MAN1A2: variants seen among roughly 807,000 people sequenced by gnomAD.
MAN1A2 encodes the protein mannosidase alpha class 1A member 2.
MAN1A2 carries 26 observed loss-of-function variants against 75.7 expected under a neutral mutation model. The ratio of observed to expected loss-of-function variants is 0.34; its 90% CI spans 0.25 to 0.48. The LOEUF is 0.48. MAN1A2 is among the 20% of genes least tolerant of loss of function. The probability of loss-of-function intolerance (pLI) is 0.99; values close to 1 mark genes in which losing one functional copy is unlikely to be tolerated. For missense variants in MAN1A2, 562 were observed against 775.5 expected (o/e 0.72, Z 3.27); for synonymous variants, 247 against 264.6 (o/e 0.93, Z 0.65).
At chr1:117,458,523 A>ATATATTTTTTTTTT (rs1553236643) in intron 6 of MAN1A2, among the ~76,000 whole-genome samples, 1 of 105,608 alleles carries the variant, frequency 9.5e-6, no homozygotes, top group Non-Finnish European at 2.0e-5. Context: ...ATATATATAT[A>ATATATTTTTTTTTT]TTTTTTTTTT....
rs1648808514 is a variant in MAN1A2 at position 117,435,131 on chromosome 1, G to A, written c.856-7100G>A. The stretch of plus-strand genomic sequence containing the variant: ...TTTAAGCGAAAATAAGTAGTAGAGA[G>A]ATGTAATGGGTCTGGTGTTCAATGG... On this transcript the variant is annotated intron_variant, in intron 5 of 12. Coordinates refer to ENST00000356554, the MANE Select transcript of MAN1A2 (RefSeq NM_006699.5). 2.0e-5 allele frequency among the ~76,000 whole-genome samples: 3 copies of A among 152,076 alleles called. No homozygotes were observed. The South Asian group carries it at 6.2e-4, about 32-fold the overall frequency.
At chr1:117,389,612 C>T (rs925922871) in intron 1 of MAN1A2, among the ~76,000 whole-genome samples, 3 of 152,042 alleles carry the variant, frequency 2.0e-5, no homozygotes, top group Admixed American at 2.0e-4. Flanking sequence ...TTATTTAGAA[C>T]CTGTATACTG....
At chr1:117,472,004 A>G (rs1258369775) in intron 8 of MAN1A2, among the ~76,000 whole-genome samples, 1 of 151,970 alleles carries the variant, frequency 6.6e-6, no homozygotes, top group Non-Finnish European at 1.5e-5. Flanking sequence ...AGGACATACT[A>G]GAAAGCTAAT....
intron 12 of MAN1A2, among the ~76,000 whole-genome samples, chr1:117,514,288 G>T (rs1370638077): frequency 6.6e-6 from 1 of 151,584 alleles, no homozygotes; most frequent in African/African-American, 2.4e-5. Context: ...ACTTGAACCC[G>T]GGAGGCAGAG....
At chr1:117,462,219 A>G (rs1354125805) in intron 7 of MAN1A2, among the ~76,000 whole-genome samples, 1 of 152,164 alleles carries the variant, frequency 6.6e-6, no homozygotes, top group Non-Finnish European at 1.5e-5. Context: ...TAGTAAAAAT[A>G]CCCTGTAACC....
At position 117,526,574 on chromosome 1, in the gene MAN1A2, T is replaced by G. The variant is rs1486606935; in HGVS notation, c.*3617T>G. The G allele has an allele frequency of 1.3e-5, 2 of 151,488 alleles. No individual in the cohort carries two copies. The highest frequency in any genetic ancestry group is 3.0e-5 in the Non-Finnish European group (2 of 67,668). The allele number at this position is 151,488 out of a possible 1,614,324, so 9.4% of individuals were successfully genotyped here. A position where few individuals can be genotyped will look rare whatever the true frequency, so the allele number is the denominator to read the frequency against. ...AACGTTCTTATTTTGCTATATCACT[T>G]TAATTGCATAATTAAAAAGCAGTGT... On this transcript the variant is annotated 3_prime_UTR_variant, in exon 13 of 13. Coordinates refer to ENST00000356554, the MANE Select transcript of MAN1A2 (RefSeq NM_006699.5).
At chr1:117,403,517 A>G (rs750126958) in intron 2 of MAN1A2, among the ~76,000 whole-genome samples, 13 of 152,198 alleles carry the variant, frequency 8.5e-5, no homozygotes, top group Non-Finnish European at 1.3e-4. Flanking sequence ...TCAGATAGAT[A>G]ACCATGTGTG....
At chr1:117,464,294 G>A (rs187298400) in intron 7 of MAN1A2, among the ~76,000 whole-genome samples, 62 of 149,264 alleles carry the variant, frequency 4.2e-4, no homozygotes, top group Non-Finnish European at 4.6e-4. Flanking sequence ...GGGAAGCAGA[G>A]GTTGCAATGA....
intron 6 of MAN1A2, among the ~76,000 whole-genome samples, chr1:117,447,408 A>G (rs1273946876): frequency 6.6e-6 from 1 of 152,084 alleles, no homozygotes; most frequent in Non-Finnish European, 1.5e-5. Flanking sequence ...AAATATTGGA[A>G]GAAGTATCCT....
At chr1:117,425,866 A>G (rs1048338767) in intron 5 of MAN1A2, among the ~76,000 whole-genome samples, 2 of 152,224 alleles carry the variant, frequency 1.3e-5, no homozygotes, top group African/African-American at 4.8e-5. Context: ...TATTAAAAAT[A>G]AAAGAAATGC....
chr1:117,410,859 A>T (rs1391311750), intron 3 of MAN1A2, among the ~76,000 whole-genome samples: 2 of 151,962 alleles, frequency 1.3e-5, no homozygotes, highest in East Asian at 3.9e-4. Context: ...CATTTGCAGT[A>T]GTATCAAAAA....
chr1:117,445,382 TTTTG>T (rs1317550375), intron 6 of MAN1A2, among the ~76,000 whole-genome samples: 2 of 152,288 alleles, frequency 1.3e-5, no homozygotes, highest in Non-Finnish European at 1.5e-5. Flanking sequence ...TTATTAAAAT[TTTTG>T]TTTGCAGAAA....
rs144868799 is a variant in MAN1A2 at position 117,453,034 on chromosome 1, G to A, written c.951-7455G>A. On this transcript the variant is annotated intron_variant, in intron 6 of 12. Transcript: ENST00000356554. ...CTACTCCCTGTGTGGTCTGTAAGTG[G>A]AACAACAAAGTTCAGATGAGAGCAC... is the stretch of plus-strand genomic sequence containing the variant. Among the ~76,000 whole-genome samples, 692 of 152,248 alleles carry A rather than the reference G, an allele frequency of 4.5e-3. 7 individuals are homozygous for A. The highest frequency in any genetic ancestry group is 0.016 in the African/African-American group (667 of 41,546).
intron 6 of MAN1A2, among the ~76,000 whole-genome samples, chr1:117,456,572 T>A (rs567288355): frequency 6.6e-6 from 1 of 152,158 alleles, no homozygotes; most frequent in South Asian, 2.1e-4. Context: ...GCACTTTCAA[T>A]TGACTCTTGT....
chr1:117,464,612 G>C (rs2101840181), intron 7 of MAN1A2, among the ~76,000 whole-genome samples: 1 of 152,170 alleles, frequency 6.6e-6, no homozygotes, highest in Middle Eastern at 3.4e-3. Flanking sequence ...AATGAGAACA[G>C]GATCACAGGC....
intron 1 of MAN1A2, among the ~76,000 whole-genome samples, chr1:117,401,891 G>A (rs1647441543): frequency 6.6e-6 from 1 of 151,464 alleles, no homozygotes; most frequent in African/African-American, 2.4e-5. Flanking sequence ...CCTCCATTTA[G>A]TTTTCACTGG....
At chr1:117,511,074 T>C (rs1274526260) in intron 12 of MAN1A2, among the ~76,000 whole-genome samples, 1 of 151,954 alleles carries the variant, frequency 6.6e-6, no homozygotes, top group Non-Finnish European at 1.5e-5. Flanking sequence ...GAAGCTTAAA[T>C]CGTGGCAGAA....
At chr1:117,421,328 A>G (rs764526290) in intron 5 of MAN1A2, among the ~76,000 whole-genome samples, 3 of 152,058 alleles carry the variant, frequency 2.0e-5, no homozygotes, top group Admixed American at 6.6e-5. Flanking sequence ...CTCTTTGTAG[A>G]TTTAAGAAAA....
chr1:117,384,953 G>C (rs770524281), intron 1 of MAN1A2, among the ~76,000 whole-genome samples: 1 of 152,028 alleles, frequency 6.6e-6, no homozygotes, highest in Non-Finnish European at 1.5e-5. Flanking sequence ...CATAGACGAC[G>C]GAATTTGGAA....
Sources: gnomAD v4.1 joint callset for allele counts (sites outside exome capture counted in the v4.1 genomes callset) on GRCh38, gnomAD v4.1.1 for gene constraint, MANE v1.5 for transcripts, NCBI Gene and HGNC (gene_info 2026-07-23, HGNC 2026-07-21) for gene names.